Variants in NCOA2 observed in about 807,000 individuals in gnomAD.
The protein encoded by NCOA2 is nuclear receptor coactivator 2.
Under a neutral mutation model 145.1 loss-of-function variants are expected in NCOA2, and 21 were observed. The ratio of observed to expected loss-of-function variants is 0.14; its 90% CI spans 0.10 to 0.21. The LOEUF (loss-of-function observed/expected upper bound fraction) is 0.21, where lower values mean the gene tolerates loss of function less well. Among genes scored for constraint, NCOA2 ranks in the 10% least tolerant of loss-of-function variants. NCOA2 has a pLI of 1.00. For synonymous variants in NCOA2, 619 were observed against 637.5 expected (o/e 0.97, Z 0.44); for missense variants, 1,472 against 1,837.6 (o/e 0.80, Z 3.64).
At chr8:70,157,903 T>C (rs1812468069) in intron 10 of NCOA2, among the ~76,000 whole-genome samples, 1 of 152,218 alleles carries the variant, frequency 6.6e-6, no homozygotes, top group South Asian at 2.1e-4. Flanking sequence ...AGAGTGACTT[T>C]AGTTTGGGAT....
chr8:70,437,654 A>C, the NCOA2 span, among the ~76,000 whole-genome samples: 1 of 152,218 alleles, frequency 6.6e-6, no homozygotes. Context: ...TTCTCCACTT[A>C]AAGTTTTTCT....
chr8:70,334,715 TG>T (rs997407055), intron 1 of NCOA2, among the ~76,000 whole-genome samples: 1 of 152,156 alleles, frequency 6.6e-6, no homozygotes, highest in African/African-American at 2.4e-5. Context: ...ACCTGATAGA[TG>T]TGGTGAGAAA....
chr8:70,404,742 C>T (rs1178604269), upstream of NCOA2, among the ~76,000 whole-genome samples: 4 of 152,166 alleles, frequency 2.6e-5, no homozygotes, highest in African/African-American at 9.7e-5. Flanking sequence ...CTCTAGACAT[C>T]CGTGAACAAA....
intron 1 of NCOA2, among the ~76,000 whole-genome samples, chr8:70,390,311 T>C (rs1563837487): frequency 6.6e-6 from 1 of 152,206 alleles, no homozygotes; most frequent in Admixed American, 6.5e-5. Flanking sequence ...TCAGAGGAGA[T>C]AACTTCATTG....
chr8:70,250,393 A>C (rs1236397997), intron 2 of NCOA2, among the ~76,000 whole-genome samples: 14 of 4,682 alleles, frequency 3.0e-3, no homozygotes, highest in African/African-American at 0.016. Context: ...ACCCTGTCTC[A>C]AAAAAAAAAA....
At chr8:70,360,532 T>C (rs1404578859) in intron 1 of NCOA2, among the ~76,000 whole-genome samples, 15 of 152,198 alleles carry the variant, frequency 9.9e-5, no homozygotes, top group African/African-American at 3.4e-4. Context: ...TTCATGGTTA[T>C]TTCATCCCAC....
At chr8:70,416,950 G>A in the NCOA2 span, among the ~76,000 whole-genome samples, 1 of 152,122 alleles carries the variant, frequency 6.6e-6, no homozygotes, top group Non-Finnish European at 1.5e-5. Context: ...AATACTTGAT[G>A]TAAAATCAAT....
chr8:70,239,920 A>G (rs190001096), intron 2 of NCOA2, among the ~76,000 whole-genome samples: 12 of 152,352 alleles, frequency 7.9e-5, no homozygotes, highest in Non-Finnish European at 1.6e-4. Flanking sequence ...GAGCAGAAGC[A>G]GACTGAGAGA....
chr8:70,165,890 G>A (rs1310884918), intron 7 of NCOA2, among the ~76,000 whole-genome samples: 1 of 152,120 alleles, frequency 6.6e-6, no homozygotes, highest in African/African-American at 2.4e-5. Context: ...CGTGATCTTG[G>A]CTAACTGCAA....
chr8:70,453,741 T>C, the NCOA2 span, among the ~76,000 whole-genome samples: 1 of 152,220 alleles, frequency 6.6e-6, no homozygotes, highest in African/African-American at 2.4e-5. Flanking sequence ...AAGGACTTAC[T>C]GTGGATTCAG....
At chr8:70,371,848 G>T (rs1811249710) in intron 1 of NCOA2, among the ~76,000 whole-genome samples, 1 of 152,158 alleles carries the variant, frequency 6.6e-6, no homozygotes, top group Non-Finnish European at 1.5e-5. Flanking sequence ...GATCTCTTAA[G>T]AGAGCTATTT....
chr8:70,337,200 AGTGTGTGTGTGTGTGT>A (rs72265721), intron 1 of NCOA2, among the ~76,000 whole-genome samples: 2 of 146,226 alleles, frequency 1.4e-5, no homozygotes, highest in Admixed American at 6.9e-5. Flanking sequence ...ACTGCTGAGG[AGTGTGTGTGTGTGTGT>A]GTGTGTGTGT....
At chr8:70,371,583 A>C (rs1044727131) in intron 1 of NCOA2, among the ~76,000 whole-genome samples, 3 of 152,192 alleles carry the variant, frequency 2.0e-5, no homozygotes, top group African/African-American at 7.2e-5. Context: ...TGATTTATAG[A>C]TATTCCTAAT....
chr8:70,455,877 C>A, the NCOA2 span, among the ~76,000 whole-genome samples: 5 of 152,164 alleles, frequency 3.3e-5, no homozygotes, highest in African/African-American at 1.2e-4. Flanking sequence ...ATTTGAGATT[C>A]CATCTAGATC....
intron 15 of NCOA2, 75 bp downstream of exon 15, chr8:70,138,128 C>G (rs1283037548): frequency 6.7e-7 from 1 of 1,487,828 alleles, no homozygotes; most frequent in African/African-American, 1.4e-5. Flanking sequence ...GGTCAGGCAC[C>G]GACTACTCCA....
intron 2 of NCOA2, among the ~76,000 whole-genome samples, chr8:70,264,522 T>C (rs1025996589): frequency 2.0e-5 from 3 of 152,112 alleles, no homozygotes; most frequent in African/African-American, 7.2e-5. Flanking sequence ...AACAAAGTCT[T>C]ATACCAAATG....
At chr8:70,337,200 A>AGTGTGT (rs72265721) in intron 1 of NCOA2, among the ~76,000 whole-genome samples, 3,356 of 146,294 alleles carry the variant, frequency 0.023, 125 homozygotes, top group African/African-American at 0.077. Flanking sequence ...ACTGCTGAGG[A>AGTGTGT]GTGTGTGTGT....
At position 70,156,207 on chromosome 8, in the gene NCOA2, T is replaced by A. The variant is rs1456968981; in HGVS notation, c.2158A>T (p.Ser720Cys). 1 of 1,614,034 alleles carries A rather than the reference T, an allele frequency of 6.2e-7. No individual in the cohort carries two copies. The highest frequency in any genetic ancestry group is 1.7e-5 in the Admixed American group (1 of 60,024). Residue 720 changes from serine (S) to cysteine (C), a missense_variant, in exon 11 of 23, where the codon AGC (serine) becomes TGC (cysteine). This residue lies in a region of NCOA2 where 953 missense variants were observed against 1,062.1 expected (regional missense o/e 0.90). Coordinates refer to ENST00000452400, the MANE Select transcript of NCOA2 (RefSeq NM_006540.4). Reference protein sequence around the residue: ...ATGKDLSQESSSTAPGSEVTI... With the variant: ...ATGKDLSQESCSTAPGSEVTI... ...ACTTCTGATCCAGGAGCTGTGCTGC[T>A]GGACTCCTGGCTCAGGTCTTTGCCT...
intron 4 of NCOA2, among the ~76,000 whole-genome samples, chr8:70,177,280 A>G (rs1321420330): frequency 6.6e-6 from 1 of 152,140 alleles, no homozygotes; most frequent in East Asian, 1.9e-4. Context: ...ACATCTTCCT[A>G]GGAGGATATC....
Sources: allele counts gnomAD v4.1 joint callset (sites outside exome capture counted in the v4.1 genomes callset), GRCh38; gene constraint gnomAD v4.1.1; regional missense constraint gnomAD v4.1.1; transcripts MANE v1.5; gene names NCBI Gene and HGNC (gene_info 2026-07-23, HGNC 2026-07-21).